Variants in CCDC93 observed in about 807,000 individuals in gnomAD.
CCDC93 encodes the protein coiled-coil domain-containing protein 93.
Under a neutral mutation model 108.2 loss-of-function variants are expected in CCDC93, and 61 were observed. That is an observed-to-expected ratio of 0.56 (90% confidence interval 0.46 to 0.70). The LOEUF (loss-of-function observed/expected upper bound fraction) is 0.70, where lower values mean the gene tolerates loss of function less well. Among genes scored for constraint, CCDC93 ranks in the 30% least tolerant of loss-of-function variants. The probability of loss-of-function intolerance (pLI) is 0.00; values close to 1 mark genes in which losing one functional copy is unlikely to be tolerated. For missense variants in CCDC93, 685 were observed against 764.2 expected, an observed-to-expected ratio of 0.90 and a Z score of 1.22; for synonymous variants, 276 against 260.4, an observed-to-expected ratio of 1.06 and a Z score of -0.58.
At chr2:117,975,104 AT>A (rs1679893271) in intron 9 of CCDC93, 83 bp downstream of exon 9, 2 of 1,282,016 alleles carry the variant, frequency 1.6e-6, no homozygotes, top group South Asian at 2.6e-5. Context: ...GGTGGTGGCC[AT>A]TTGGGAACGC....
chr2:117,982,759 G>C (rs1019062731), intron 7 of CCDC93, among the ~76,000 whole-genome samples: 5 of 151,336 alleles, frequency 3.3e-5, no homozygotes, highest in Admixed American at 6.6e-5. Flanking sequence ...GTGTAGTGGG[G>C]GGGGGGGTGC....
intron 1 of CCDC93, among the ~76,000 whole-genome samples, chr2:118,009,526 G>T (rs1311825430): frequency 1.3e-5 from 2 of 152,096 alleles, no homozygotes; most frequent in African/African-American, 4.8e-5. Flanking sequence ...CAAAAAATTA[G>T]CTGAGCATGG....
Position 117,917,545 on chromosome 2 carries a change from C to T in CCDC93, c.*2798G>A, listed in dbSNP as rs1677724249. On this transcript the variant is annotated 3_prime_UTR_variant, in exon 24 of 24. Transcript: ENST00000376300. ...CTAGAACCATTAAAACCATGAACTT[C>T]GGACTCTAACAGAGATATGCTTGAC... 6.6e-6 allele frequency: 1 copy of T among 152,434 alleles called. No homozygotes were observed. The highest frequency in any genetic ancestry group is 1.5e-5 in the Non-Finnish European group (1 of 68,036). The allele number at this position is 152,434 out of a possible 1,614,324, so 9.4% of individuals were successfully genotyped here.
chr2:117,953,928 C>A (rs1435776843), intron 12 of CCDC93, among the ~76,000 whole-genome samples: 1 of 152,032 alleles, frequency 6.6e-6, no homozygotes, highest in Admixed American at 6.6e-5. Context: ...TGAGTGGGCT[C>A]CCTTGCCTCC....
rs1677781396 is a variant in CCDC93, at chr2:117,919,123, A to T, written c.*1220T>A. ...GACTCCTGAGGACCAGGGCAGCAGG[A>T]GCTCCATGTTTGATCTGCACTGGTC... On this transcript the variant is annotated 3_prime_UTR_variant, in exon 24 of 24. Transcript: ENST00000376300. 2.0e-5 allele frequency: 3 copies of T among 152,184 alleles called. No individual in the cohort carries two copies. The South Asian group carries it at 6.2e-4, about 32-fold the overall frequency. The allele number at this position is 152,184 out of a possible 1,614,324, so 9.4% of individuals were successfully genotyped here. A position where few individuals can be genotyped will look rare whatever the true frequency, so the allele number is the denominator to read the frequency against.
At chr2:117,943,903 A>C in intron 18 of CCDC93, 121 bp downstream of exon 18, 1 of 602,530 alleles carries the variant, frequency 1.7e-6, no homozygotes, top group Non-Finnish European at 2.8e-6. Flanking sequence ...AAGACTGGGG[A>C]ACAGCAGCCT....
chr2:117,944,656 A>C (rs1422738277), intron 17 of CCDC93: 1 of 460,568 alleles, frequency 2.2e-6, no homozygotes, highest in Non-Finnish European at 4.5e-6. Context: ...CGCCTCAGAG[A>C]AAGTTACAAA....
intron 6 of CCDC93, 91 bp from the exon 7 acceptor site, chr2:117,986,160 CTT>C (rs763304100): frequency 0.032 from 8,670 of 273,592 alleles, 3 homozygotes; most frequent in Middle Eastern, 0.051. Context: ...GGTATATTCT[CTT>C]TTTTTTTTTT....
chr2:117,926,982 C>T (rs913782107), intron 23 of CCDC93, among the ~76,000 whole-genome samples: 5 of 152,202 alleles, frequency 3.3e-5, no homozygotes, highest in African/African-American at 1.2e-4. Flanking sequence ...AATCAATAAA[C>T]ATAATCCAGC....
intron 7 of CCDC93, among the ~76,000 whole-genome samples, chr2:117,984,376 T>C (rs969449621): frequency 2.0e-5 from 3 of 152,186 alleles, no homozygotes; most frequent in African/African-American, 7.2e-5. Flanking sequence ...TCTGTCTTGC[T>C]TCCTTTCCTA....
intron 23 of CCDC93, among the ~76,000 whole-genome samples, chr2:117,926,779 A>G (rs1678122049): frequency 6.6e-6 from 1 of 152,192 alleles, no homozygotes; most frequent in Admixed American, 6.5e-5. Context: ...TGAGGCCAGC[A>G]TCATCCTGAT....
At chr2:117,980,236 CA>C (rs1680075998) in intron 7 of CCDC93, among the ~76,000 whole-genome samples, 1 of 152,230 alleles carries the variant, frequency 6.6e-6, no homozygotes, top group African/African-American at 2.4e-5. Flanking sequence ...GCCCTGTAAC[CA>C]ATCCCTTCTG....
At chr2:117,935,673 C>T (rs72834384) in intron 21 of CCDC93, 94 bp from the exon 22 acceptor site, 63,710 of 905,288 alleles carry the variant, frequency 0.07, 2,625 homozygotes, top group Non-Finnish European at 0.084. Context: ...GATTATGACT[C>T]TTAGGAGAGG....
intron 11 of CCDC93, 102 bp downstream of exon 11, chr2:117,973,806 A>T: frequency 1.2e-6 from 1 of 862,856 alleles, no homozygotes; most frequent in Non-Finnish European, 1.9e-6. Context: ...GGTGAGTTAC[A>T]AGAGAACACG....
intron 18 of CCDC93, among the ~76,000 whole-genome samples, chr2:117,942,629 G>C (rs1331013683): frequency 6.6e-6 from 1 of 152,148 alleles, no homozygotes; most frequent in Non-Finnish European, 1.5e-5. Flanking sequence ...TTCCCTTCTG[G>C]CTGCTCAGGT....
At chr2:117,945,203 C>A (rs947472249) in intron 17 of CCDC93, among the ~76,000 whole-genome samples, 6 of 152,234 alleles carry the variant, frequency 3.9e-5, no homozygotes, top group Non-Finnish European at 7.3e-5. Flanking sequence ...ACCACCCCAT[C>A]CCTCAGAGCC....
chr2:117,977,490 A>G (rs1185423453), intron 8 of CCDC93, among the ~76,000 whole-genome samples: 1 of 152,246 alleles, frequency 6.6e-6, no homozygotes, highest in Non-Finnish European at 1.5e-5. Context: ...TGCTGCTGAC[A>G]ATGAAGCATC....
At chr2:117,943,540 G>A (rs890760648) in intron 18 of CCDC93, among the ~76,000 whole-genome samples, 3 of 152,218 alleles carry the variant, frequency 2.0e-5, no homozygotes, top group African/African-American at 7.2e-5. Context: ...CCCTCCCAGG[G>A]AACAGAAGGT....
chr2:117,992,805 G>A (rs200853082), intron 6 of CCDC93, among the ~76,000 whole-genome samples: 1 of 144,648 alleles, frequency 6.9e-6, no homozygotes, highest in Non-Finnish European at 1.5e-5. Flanking sequence ...AATGTTTGGG[G>A]CACTATGTAA....
Sources: gnomAD v4.1 joint callset for allele counts (sites outside exome capture counted in the v4.1 genomes callset) on GRCh38, gnomAD v4.1.1 for gene constraint, MANE v1.5 for transcripts, NCBI Gene and HGNC (gene_info 2026-07-23, HGNC 2026-07-21) for gene names.